Variants in NMNAT2 observed in about 807,000 individuals in gnomAD.
NMNAT2 encodes the protein nicotinamide/nicotinic acid mononucleotide adenylyltransferase 2.
NMNAT2 carries 11 observed loss-of-function variants against 41.6 expected under a neutral mutation model. The ratio of observed to expected loss-of-function variants is 0.26; its 90% CI spans 0.17 to 0.44. The LOEUF is 0.44. Ranked by LOEUF, NMNAT2 falls within the 20% of genes least tolerant of loss-of-function variation. The pLI is 1.00. For missense variants in NMNAT2, 288 were observed against 407.7 expected, an observed-to-expected ratio of 0.71 and a Z score of 2.53; for synonymous variants, 148 against 151.2, an observed-to-expected ratio of 0.98 and a Z score of 0.16.
chr1:183,273,843 CTTCCTTCCTTCCT>C (rs1661052439), intron 8 of NMNAT2, among the ~76,000 whole-genome samples: 1 of 46,542 alleles, frequency 2.1e-5, no homozygotes, highest in Non-Finnish European at 4.5e-5. Flanking sequence ...CCCTCCCTCC[CTTCCTTCCTTCCT>C]TCCTTCCTTC....
intron 1 of NMNAT2, 84 bp from the exon 2 acceptor site, chr1:183,293,877 G>A: frequency 1.1e-6 from 1 of 917,058 alleles, no homozygotes; most frequent in South Asian, 1.4e-5. Flanking sequence ...GCTCAGCTCT[G>A]TAATGCTGGG....
intron 1 of NMNAT2, among the ~76,000 whole-genome samples, chr1:183,417,186 G>A (rs1420831576): frequency 6.6e-6 from 1 of 152,062 alleles, no homozygotes; most frequent in African/African-American, 2.4e-5. Context: ...GCTTCCCACC[G>A]GTGGCGCGAG....
chr1:183,416,415 A>T (rs1481704331), intron 1 of NMNAT2, among the ~76,000 whole-genome samples: 3 of 152,352 alleles, frequency 2.0e-5, no homozygotes, highest in East Asian at 1.9e-4. Context: ...AAGCGCATCA[A>T]CATAAAGTGC....
intron 1 of NMNAT2, among the ~76,000 whole-genome samples, chr1:183,407,269 G>C (rs1044571358): frequency 1.3e-5 from 2 of 152,276 alleles, no homozygotes; most frequent in African/African-American, 2.4e-5. Flanking sequence ...TGACTTGCAG[G>C]TTCCCACTGT....
At chr1:183,400,772 C>T (rs535829015) in intron 1 of NMNAT2, among the ~76,000 whole-genome samples, 2 of 152,192 alleles carry the variant, frequency 1.3e-5, no homozygotes, top group Admixed American at 6.5e-5. Flanking sequence ...TATCTACAAT[C>T]ATCTGATCTT....
chr1:183,312,427 A>G (rs1192629468), intron 1 of NMNAT2, among the ~76,000 whole-genome samples: 2 of 152,088 alleles, frequency 1.3e-5, no homozygotes, highest in Non-Finnish European at 2.9e-5. Flanking sequence ...AGCTGCAGGA[A>G]TAGTACAAAG....
chr1:183,284,700 G>C lies in NMNAT2; in HGVS notation c.529+10C>G, dbSNP rs767040999. The C allele has an allele frequency of 5.6e-6, 9 of 1,611,206 alleles. No homozygotes were observed. The Admixed American group carries it at 1.5e-4, about 27-fold the overall frequency. ...GACAGGACTGGGAATCAAGTTCCTT[G>C]GTTCCTCACCTACAAAGGTGAAACG... On this transcript the variant is annotated intron_variant, in intron 6 of 10. Transcript: ENST00000287713.
At chr1:183,309,973 C>A (rs1662074344) in intron 1 of NMNAT2, among the ~76,000 whole-genome samples, 1 of 152,170 alleles carries the variant, frequency 6.6e-6, no homozygotes, top group Non-Finnish European at 1.5e-5. Context: ...CCTGGGTGAA[C>A]CTTTTCAGTA....
chr1:183,404,713 C>A (rs1003836026), intron 1 of NMNAT2, among the ~76,000 whole-genome samples: 2 of 152,172 alleles, frequency 1.3e-5, no homozygotes, highest in Admixed American at 6.5e-5. Flanking sequence ...ACAAGCAATG[C>A]TTTAAAGGCA....
intron 1 of NMNAT2, among the ~76,000 whole-genome samples, chr1:183,388,906 G>A (rs1233844644): frequency 6.6e-6 from 1 of 152,114 alleles, no homozygotes; most frequent in Non-Finnish European, 1.5e-5. Flanking sequence ...GACCCTTGTG[G>A]GCAGCCTTTG....
chr1:183,278,689 C>T (rs991590143), intron 7 of NMNAT2, 60 bp from the exon 8 acceptor site: 10 of 1,195,622 alleles, frequency 8.4e-6, no homozygotes, highest in Non-Finnish European at 1.2e-5. Context: ...AGCATTTGAC[C>T]CTCAGCCTTC....
intron 7 of NMNAT2, 50 bp downstream of exon 7, chr1:183,283,945 C>T (rs202020184): frequency 2.5e-6 from 4 of 1,584,564 alleles, no homozygotes; most frequent in East Asian, 4.5e-5. Context: ...GTCGTGAAGG[C>T]AGGGAGCTCC....
chr1:183,279,182 C>A (rs533036349), intron 7 of NMNAT2, among the ~76,000 whole-genome samples: 1 of 152,298 alleles, frequency 6.6e-6, no homozygotes, highest in East Asian at 1.9e-4. Context: ...GCTTGAGAAG[C>A]AAGGCTGAGG....
At chr1:183,398,537 A>G (rs531004369) in intron 1 of NMNAT2, among the ~76,000 whole-genome samples, 1 of 152,302 alleles carries the variant, frequency 6.6e-6, no homozygotes, top group East Asian at 1.9e-4. Context: ...CCAGGAATTG[A>G]ACTCAGCTCT....
chr1:183,249,213 G>A lies in NMNAT2; in HGVS notation c.*3428C>T, dbSNP rs1439251463. 6.6e-6 allele frequency: 1 copy of A among 152,152 alleles called. No homozygotes were observed. The highest frequency in any genetic ancestry group is 1.5e-5 in the Non-Finnish European group (1 of 68,040). The allele number at this position is 152,152 out of a possible 1,614,324, so 9.4% of individuals were successfully genotyped here. ...CCCCCTTGTTCCTATGTACATTCAA[G>A]GAAAATGAAAGCAAGAAGGCTCTAG... is the stretch of plus-strand genomic sequence containing the variant. On this transcript the variant is annotated 3_prime_UTR_variant, in exon 11 of 11. Transcript: ENST00000287713.
chr1:183,416,940 C>G (rs940018977), intron 1 of NMNAT2, among the ~76,000 whole-genome samples: 1 of 152,188 alleles, frequency 6.6e-6, no homozygotes, highest in African/African-American at 2.4e-5. Context: ...TCAGCACCGC[C>G]GCCTCTGGAG....
At chr1:183,330,647 A>G (rs1023813270) in intron 1 of NMNAT2, among the ~76,000 whole-genome samples, 1 of 152,210 alleles carries the variant, frequency 6.6e-6, no homozygotes. Flanking sequence ...ACGCCTCAGA[A>G]AGTCTGGGTC....
intron 1 of NMNAT2, among the ~76,000 whole-genome samples, chr1:183,362,319 T>C (rs1446643534): frequency 1.3e-5 from 2 of 152,170 alleles, no homozygotes; most frequent in East Asian, 1.9e-4. Context: ...CAGTGATTTT[T>C]AGTGTCTTCA....
At chr1:183,330,732 A>G (rs1662564518) in intron 1 of NMNAT2, among the ~76,000 whole-genome samples, 1 of 152,220 alleles carries the variant, frequency 6.6e-6, no homozygotes, top group Non-Finnish European at 1.5e-5. Context: ...ACCTAAAAAT[A>G]TATATTTCTT....
Sources: allele counts gnomAD v4.1 joint callset (sites outside exome capture counted in the v4.1 genomes callset), GRCh38; gene constraint gnomAD v4.1.1; transcripts MANE v1.5; gene names NCBI Gene and HGNC (gene_info 2026-07-23, HGNC 2026-07-21).